Variants in RELN observed in about 807,000 individuals in gnomAD.
RELN encodes reelin.
In RELN, 108 loss-of-function variants were observed where a neutral mutation model predicts 427.6. The ratio of observed to expected loss-of-function variants is 0.25; its 90% CI spans 0.22 to 0.30. The LOEUF is 0.30. Ranked by LOEUF, RELN falls within the 10% of genes least tolerant of loss-of-function variation. The pLI is 1.00. For missense variants in RELN, 3,715 were observed against 4,302.8 expected (o/e 0.86, Z 3.82); for synonymous variants, 1,524 against 1,513.4 (o/e 1.01, Z -0.16).
At chr7:103,739,811 G>C (rs1790595092) in intron 6 of RELN, among the ~76,000 whole-genome samples, 1 of 152,172 alleles carries the variant, frequency 6.6e-6, no homozygotes, top group South Asian at 2.1e-4. Flanking sequence ...TCTATGCTCT[G>C]CATATGAAGG....
At chr7:103,520,675 T>G (rs1287657904) in intron 48 of RELN, among the ~76,000 whole-genome samples, 2 of 152,206 alleles carry the variant, frequency 1.3e-5, no homozygotes, top group East Asian at 1.9e-4. Context: ...AATTCACACT[T>G]TAGCAGAATT....
chr7:103,545,901 G>T (rs1830285671), intron 41 of RELN, among the ~76,000 whole-genome samples: 1 of 152,160 alleles, frequency 6.6e-6, no homozygotes, highest in African/African-American at 2.4e-5. Flanking sequence ...CTCCCAAAGT[G>T]CTGGGATTAC....
intron 10 of RELN, among the ~76,000 whole-genome samples, chr7:103,683,704 C>T (rs904405650): frequency 4.6e-5 from 7 of 152,072 alleles, no homozygotes; most frequent in South Asian, 4.1e-4. Flanking sequence ...TCATAATAAG[C>T]GACTTTTGGG....
chr7:103,852,631 T>C (rs1185762559), intron 2 of RELN, among the ~76,000 whole-genome samples: 2 of 152,116 alleles, frequency 1.3e-5, no homozygotes, highest in Non-Finnish European at 2.9e-5. Context: ...ATGACCTTTC[T>C]TTTCTGGCAA....
chr7:103,589,022 A>C (rs1450852926), intron 28 of RELN, among the ~76,000 whole-genome samples: 3 of 152,162 alleles, frequency 2.0e-5, no homozygotes, highest in Non-Finnish European at 4.4e-5. Context: ...TGTTGTGTGT[A>C]TGTGGGTGTA....
At chr7:103,927,717 C>G (rs1452322625) in intron 1 of RELN, among the ~76,000 whole-genome samples, 1 of 152,048 alleles carries the variant, frequency 6.6e-6, no homozygotes, top group Admixed American at 6.6e-5. Context: ...CTTAAAATAA[C>G]AGAATATCTT....
chr7:103,546,406 T>C (rs565516131), intron 41 of RELN, among the ~76,000 whole-genome samples: 1 of 152,368 alleles, frequency 6.6e-6, no homozygotes, highest in South Asian at 2.1e-4. Context: ...CATTAGTTGA[T>C]GGACATTTGG....
chr7:103,857,774 C>T (rs1793980520), intron 2 of RELN, among the ~76,000 whole-genome samples: 1 of 152,126 alleles, frequency 6.6e-6, no homozygotes, highest in African/African-American at 2.4e-5. Flanking sequence ...CAAATCCAGT[C>T]GTGGTAAACA....
intron 20 of RELN, among the ~76,000 whole-genome samples, chr7:103,629,171 C>T (rs970233139): frequency 8.5e-5 from 13 of 152,268 alleles, no homozygotes; most frequent in South Asian, 8.3e-4. Context: ...TAGCTTTCTC[C>T]GAGAAGCCTC....
chr7:103,479,961 C>G (rs1288290848), intron 63 of RELN, among the ~76,000 whole-genome samples: 1 of 152,130 alleles, frequency 6.6e-6, no homozygotes, highest in Non-Finnish European at 1.5e-5. Context: ...AGCCAACCTT[C>G]ACTTAAAAAA....
At chr7:103,501,741 G>A (rs1027979896) in intron 52 of RELN, among the ~76,000 whole-genome samples, 1 of 152,144 alleles carries the variant, frequency 6.6e-6, no homozygotes, top group African/African-American at 2.4e-5. Context: ...AGAATGGGAG[G>A]AGAAAATGAG....
At chr7:103,732,720 T>G (rs1790386071) in intron 6 of RELN, among the ~76,000 whole-genome samples, 2 of 152,140 alleles carry the variant, frequency 1.3e-5, no homozygotes, top group Admixed American at 1.3e-4. Flanking sequence ...CTTAAATGCA[T>G]AAGTGCTCTT....
At chr7:103,543,794 G>A (rs10156111) in intron 42 of RELN, among the ~76,000 whole-genome samples, 1,668 of 152,030 alleles carry the variant, frequency 0.011, 30 homozygotes, top group African/African-American at 0.038. Flanking sequence ...TTTTAACCAC[G>A]TCAAAGTAAA....
intron 1 of RELN, among the ~76,000 whole-genome samples, chr7:103,938,016 A>G (rs1796024399): frequency 6.6e-6 from 1 of 152,110 alleles, no homozygotes; most frequent in African/African-American, 2.4e-5. Flanking sequence ...TGCAAAAGCT[A>G]CTTTAGAAAA....
intron 11 of RELN, among the ~76,000 whole-genome samples, chr7:103,668,170 C>G (rs1438475405): frequency 1.3e-5 from 2 of 152,106 alleles, no homozygotes; most frequent in African/African-American, 4.8e-5. Context: ...GGGGAGGTTG[C>G]AGTGAGCTGA....
intron 57 of RELN, among the ~76,000 whole-genome samples, chr7:103,494,232 A>G (rs1828757787): frequency 6.6e-6 from 1 of 152,158 alleles, no homozygotes; most frequent in Non-Finnish European, 1.5e-5. Context: ...TGAGGCGAAA[A>G]GCAAATACAT....
intron 10 of RELN, among the ~76,000 whole-genome samples, chr7:103,696,293 T>A (rs1172539222): frequency 6.6e-6 from 1 of 152,156 alleles, no homozygotes; most frequent in African/African-American, 2.4e-5. Context: ...TCATATCACC[T>A]AAGTGCAATT....
intron 16 of RELN, among the ~76,000 whole-genome samples, chr7:103,646,144 G>T (rs979405011): frequency 1.3e-5 from 2 of 151,494 alleles, no homozygotes; most frequent in African/African-American, 4.8e-5. Flanking sequence ...AAGAGAGAAG[G>T]CTATAACCTT....
chr7:103,697,623 C>T (rs1834003101), intron 10 of RELN, among the ~76,000 whole-genome samples: 1 of 152,162 alleles, frequency 6.6e-6, no homozygotes, highest in Admixed American at 6.5e-5. Context: ...GCCCAGTACA[C>T]AGCACAGTGA....
Sources: gnomAD v4.1 joint callset for allele counts (sites outside exome capture counted in the v4.1 genomes callset) on GRCh38, gnomAD v4.1.1 for gene constraint, MANE v1.5 for transcripts, NCBI Gene and HGNC (gene_info 2026-07-23, HGNC 2026-07-21) for gene names.